The following GNAQ variants were observed in gnomAD, a reference collection of about 807,000 sequenced individuals.
GNAQ encodes G protein subunit alpha q.
In GNAQ, 8 loss-of-function variants were observed where a neutral mutation model predicts 43.9. The observed-to-expected ratio is 0.18, with a 90% CI of 0.11 to 0.33. The LOEUF is 0.33. Among genes scored for constraint, GNAQ ranks in the 10% least tolerant of loss-of-function variants. The pLI, the probability that GNAQ is intolerant of heterozygous loss-of-function variation, is 1.00. For missense variants in GNAQ, 158 were observed against 450.8 expected (o/e 0.35, Z 5.88); for synonymous variants, 155 against 170.7 (o/e 0.91, Z 0.71).
chr9:77,753,897 C>T (rs996048242), intron 5 of GNAQ, among the ~76,000 whole-genome samples: 1 of 152,192 alleles, frequency 6.6e-6, no homozygotes, highest in African/African-American at 2.4e-5. Flanking sequence ...ACCCTGTGTA[C>T]TTGCTTGCCT....
At chr9:77,905,846 C>T (rs1191278830) in intron 2 of GNAQ, among the ~76,000 whole-genome samples, 3 of 152,140 alleles carry the variant, frequency 2.0e-5, no homozygotes, top group East Asian at 1.9e-4. Context: ...AACCAAGCAC[C>T]GCATGTTCTC....
intron 4 of GNAQ, among the ~76,000 whole-genome samples, chr9:77,795,701 T>G (rs1488882761): frequency 1.3e-5 from 2 of 152,160 alleles, no homozygotes; most frequent in Non-Finnish European, 2.9e-5. Context: ...AATTCTTAGA[T>G]CTTCGGAAGT....
chr9:77,872,424 A>C (rs946043500), intron 2 of GNAQ, among the ~76,000 whole-genome samples: 5 of 152,222 alleles, frequency 3.3e-5, no homozygotes, highest in Admixed American at 2.6e-4. Flanking sequence ...GCCAAGGTTT[A>C]GCTTCAGAGG....
chr9:77,815,909 T>C (rs1827006022), intron 2 of GNAQ, 139 bp from the exon 3 acceptor site: 3 of 542,980 alleles, frequency 5.5e-6, no homozygotes, highest in Admixed American at 3.6e-5. Flanking sequence ...TAAAGTCATG[T>C]TTCATATTTT....
At chr9:77,824,908 C>T (rs1478263084) in intron 2 of GNAQ, among the ~76,000 whole-genome samples, 1 of 152,100 alleles carries the variant, frequency 6.6e-6, no homozygotes, top group Admixed American at 6.6e-5. Context: ...TAAATTAACT[C>T]GGAAAGAAAG....
At chr9:77,760,341 C>T (rs1054080979) in intron 5 of GNAQ, among the ~76,000 whole-genome samples, 38 of 152,096 alleles carry the variant, frequency 2.5e-4, no homozygotes, top group African/African-American at 8.9e-4. Flanking sequence ...TGAGTGCCTG[C>T]GAGTGCAGGC....
Position 77,793,008 on chromosome 9 carries a change from C to A in GNAQ, c.735+1455G>T, listed in dbSNP as rs866365945. 7.2e-5 allele frequency among the ~76,000 whole-genome samples: 11 copies of A among 151,882 alleles called. 1 individual carries two copies. The South Asian group carries it at 8.3e-4, about 11-fold the overall frequency. On this transcript the variant is annotated intron_variant, in intron 5 of 6. Coordinates refer to ENST00000286548, the MANE Select transcript of GNAQ (RefSeq NM_002072.5). ...TGGTACCCAGCATATAGTAGGGAAG[C>A]CCTCAAAATATTTTTTTGTCTTGAC...
At chr9:78,016,089 C>T (rs1028686834) in intron 1 of GNAQ, among the ~76,000 whole-genome samples, 8 of 151,982 alleles carry the variant, frequency 5.3e-5, no homozygotes, top group African/African-American at 1.9e-4. Context: ...CACATCACAC[C>T]ACATACAAAA....
intron 1 of GNAQ, among the ~76,000 whole-genome samples, chr9:77,932,957 G>C (rs1219815745): frequency 2.0e-5 from 3 of 152,262 alleles, no homozygotes; most frequent in South Asian, 4.1e-4. Flanking sequence ...GGGAGGAGAT[G>C]ACATAGGGAG....
chr9:77,887,653 C>A (rs1828331470), intron 2 of GNAQ, among the ~76,000 whole-genome samples: 1 of 152,152 alleles, frequency 6.6e-6, no homozygotes, highest in African/African-American at 2.4e-5. Flanking sequence ...GAATATTAAT[C>A]TTCTAATCCC....
At chr9:78,030,792 A>G (rs1824043049) in intron 1 of GNAQ, among the ~76,000 whole-genome samples, 1 of 152,102 alleles carries the variant, frequency 6.6e-6, no homozygotes. Context: ...TAGCAGATGC[A>G]CAGCAGATAA....
chr9:77,753,328 G>A (rs1378543347), intron 5 of GNAQ, among the ~76,000 whole-genome samples: 1 of 152,066 alleles, frequency 6.6e-6, no homozygotes, highest in Non-Finnish European at 1.5e-5. Context: ...GAAGAAAAAG[G>A]TTCAGGGTAA....
intron 5 of GNAQ, among the ~76,000 whole-genome samples, chr9:77,748,800 A>C (rs534652977): frequency 1.3e-5 from 2 of 152,230 alleles, no homozygotes; most frequent in Non-Finnish European, 2.9e-5. Context: ...ATAAATGACA[A>C]GTGTTTAATA....
intron 2 of GNAQ, among the ~76,000 whole-genome samples, chr9:77,877,071 T>C (rs1828137660): frequency 6.6e-6 from 1 of 152,188 alleles, no homozygotes; most frequent in Non-Finnish European, 1.5e-5. Flanking sequence ...TTGGAGTCAT[T>C]TGAGACTAGC....
intron 1 of GNAQ, among the ~76,000 whole-genome samples, chr9:77,957,727 G>A (rs565964732): frequency 1.3e-5 from 2 of 152,296 alleles, no homozygotes; most frequent in South Asian, 4.1e-4. Flanking sequence ...AAGGCCACTA[G>A]CATCATAGGA....
At position 77,841,438 on chromosome 9, in the gene GNAQ, T is replaced by C. The variant is rs148797534; in HGVS notation, c.322-25668A>G. 5.8e-3 allele frequency among the ~76,000 whole-genome samples: 882 copies of C among 152,254 alleles called. 6 individuals carry two copies. The highest frequency in any genetic ancestry group is 0.018 in the African/African-American group (745 of 41,564). The stretch of plus-strand genomic sequence containing the variant: ...AACCAGCACGGCCACAGAGAAATGA[T>C]TGGCAATGGAACAATCAGTATTCGG... On this transcript the variant is annotated intron_variant, in intron 2 of 6. Coordinates refer to ENST00000286548, the MANE Select transcript of GNAQ (RefSeq NM_002072.5).
intron 2 of GNAQ, among the ~76,000 whole-genome samples, chr9:77,865,465 G>C (rs1039969783): frequency 5.3e-5 from 8 of 152,178 alleles, no homozygotes; most frequent in African/African-American, 1.9e-4. Flanking sequence ...TCAGATAAAT[G>C]TTATTTCAAA....
At chr9:77,742,411 A>T (rs1587893154) in intron 5 of GNAQ, among the ~76,000 whole-genome samples, 1 of 152,352 alleles carries the variant, frequency 6.6e-6, no homozygotes, top group East Asian at 1.9e-4. Flanking sequence ...AAATGGCTGT[A>T]AAGTGTTAAG....
intron 1 of GNAQ, among the ~76,000 whole-genome samples, chr9:77,931,296 T>A (rs1357227919): frequency 6.6e-6 from 1 of 151,882 alleles, no homozygotes; most frequent in African/African-American, 2.4e-5. Context: ...ACTGCCAATT[T>A]ATTTAAAGAA....
Sources: gnomAD v4.1 joint callset for allele counts (sites outside exome capture counted in the v4.1 genomes callset) on GRCh38, gnomAD v4.1.1 for gene constraint, MANE v1.5 for transcripts, NCBI Gene and HGNC (gene_info 2026-07-23, HGNC 2026-07-21) for gene names.